SMARCC1: variants seen among roughly 807,000 people sequenced by gnomAD.
SMARCC1 encodes the protein SWI/SNF related BAF chromatin remodeling complex subunit C1.
Under a neutral mutation model 147.4 loss-of-function variants are expected in SMARCC1, and 43 were observed. The observed-to-expected ratio is 0.29, with a 90% CI of 0.23 to 0.38. SMARCC1 has a LOEUF of 0.38. SMARCC1 is among the 10% of genes least tolerant of loss of function. SMARCC1 has a pLI of 1.00. For missense variants in SMARCC1, 1,119 were observed against 1,381.1 expected (o/e 0.81, Z 3.01); for synonymous variants, 495 against 484.4 (o/e 1.02, Z -0.29).
intron 2 of SMARCC1, among the ~76,000 whole-genome samples, chr3:47,753,429 G>C (rs1258905522): frequency 6.6e-6 from 1 of 150,976 alleles, no homozygotes; most frequent in African/African-American, 2.4e-5. Context: ...AAAAGACAAA[G>C]TAGGCCGGGT....
At position 47,680,525 on chromosome 3, in the gene SMARCC1, A is replaced by C; in HGVS notation, c.1386-17T>G. The C allele has an allele frequency of 6.5e-7, 1 of 1,536,012 alleles. No individual in the cohort carries two copies. Among genetic ancestry groups the C allele is most frequent in the Non-Finnish European group, 8.8e-7 (1 of 1,132,898 alleles). ...ACATGAATACTGAAAAGAAGAAGAA[A>C]AAAAGATTTAGGAGTGTTCTTTTTT... On this transcript the variant is annotated splice_polypyrimidine_tract_variant and intron_variant, in intron 14 of 27. Coordinates refer to ENST00000254480, the MANE Select transcript of SMARCC1 (RefSeq NM_003074.4).
chr3:47,594,102 T>A (rs1230776464), intron 26 of SMARCC1, among the ~76,000 whole-genome samples: 1 of 151,056 alleles, frequency 6.6e-6, no homozygotes, highest in Non-Finnish European at 1.5e-5. Context: ...GAGGTGGAGG[T>A]TGCAGTGAGC....
intron 21 of SMARCC1, among the ~76,000 whole-genome samples, chr3:47,642,706 G>GT (rs1331320822): frequency 6.6e-6 from 1 of 152,142 alleles, no homozygotes; most frequent in Admixed American, 6.5e-5. Flanking sequence ...GGATCAAGTG[G>GT]TGCTGCCTGG....
chr3:47,665,565 C>T (rs2106741708), intron 19 of SMARCC1, among the ~76,000 whole-genome samples: 1 of 152,190 alleles, frequency 6.6e-6, no homozygotes, highest in African/African-American at 2.4e-5. Context: ...GTTGGGGAAA[C>T]TTCTGAGATA....
intron 21 of SMARCC1, among the ~76,000 whole-genome samples, chr3:47,660,830 T>C (rs974871930): frequency 1.3e-5 from 2 of 152,146 alleles, no homozygotes; most frequent in Non-Finnish European, 2.9e-5. Flanking sequence ...GCATTGTAAA[T>C]ATAGCAGAAG....
Position 47,701,336 on chromosome 3 carries a change from C to T in SMARCC1, c.1107G>A (p.Lys369=), listed in dbSNP as rs756617422. The T allele has an allele frequency of 2.9e-5, 46 of 1,613,128 alleles. No homozygotes were observed. The highest frequency in any genetic ancestry group is 4.0e-5 in the African/African-American group (3 of 74,894). ...GTACAGGTGTTGGGTCTTCCATATCCTTGGTTAGATCTTCTTGCTCATCTT... is the reference window on the plus strand; with the variant it reads ...GTACAGGTGTTGGGTCTTCCATATCTTTGGTTAGATCTTCTTGCTCATCTT... ...KEEDEQEDLT[K]DMEDPTPVPN... The change falls in exon 11 of 28, where the codon AAG becomes AAA. Residue 369 remains lysine, a synonymous_variant. Transcript: ENST00000254480.
chr3:47,732,481 G>T lies in SMARCC1; in HGVS notation c.577-3387C>A, dbSNP rs892890726. On this transcript the variant is annotated intron_variant, in intron 5 of 27. Coordinates refer to ENST00000254480, the MANE Select transcript of SMARCC1 (RefSeq NM_003074.4). ...TTTGACTTAAGAAGCCAAGTTCTCAGCTTATCTTGGCTTTTGTCATGCCTT... is the reference window on the plus strand; with the variant it reads ...TTTGACTTAAGAAGCCAAGTTCTCATCTTATCTTGGCTTTTGTCATGCCTT... 3.9e-5 allele frequency among the ~76,000 whole-genome samples: 6 copies of T among 152,138 alleles called. No homozygotes were observed. In the South Asian group the frequency reaches 1.2e-3, roughly 31 times the overall value.
Position 47,710,785 on chromosome 3 carries a change from G to A in SMARCC1, c.816C>T (p.Asp272=). 2 of 1,610,900 alleles carry A rather than the reference G, an allele frequency of 1.2e-6. No individual in the cohort carries two copies. The highest frequency in any genetic ancestry group is 1.7e-6 in the Non-Finnish European group (2 of 1,178,464). ...PWKVHVKWIL[D]TDIFNEWMNE... is the part of the protein sequence containing the mutation. Reference sequence around the variant, plus strand: ...TCATCCATTCATTGAAAATATCAGTGTCCAAAATCCATTTCACATGAACCT... The same window carrying A: ...TCATCCATTCATTGAAAATATCAGTATCCAAAATCCATTTCACATGAACCT... Residue 272 remains aspartate (D), a synonymous_variant, in exon 9 of 28, where the codon GAC becomes GAT. Transcript: ENST00000254480.
intron 21 of SMARCC1, among the ~76,000 whole-genome samples, chr3:47,649,520 C>T (rs1346776652): frequency 6.6e-6 from 1 of 152,174 alleles, no homozygotes; most frequent in Non-Finnish European, 1.5e-5. Flanking sequence ...TCAAGATGTA[C>T]TCATGGGAAA....
chr3:47,623,925 G>C (rs2032771186), intron 24 of SMARCC1, among the ~76,000 whole-genome samples: 1 of 151,480 alleles, frequency 6.6e-6, no homozygotes, highest in East Asian at 1.9e-4. Flanking sequence ...TTGGTGGGGG[G>C]AGCGGTAGGT....
At chr3:47,675,413 G>T in intron 18 of SMARCC1, 62 bp downstream of exon 18, 1 of 761,318 alleles carries the variant, frequency 1.3e-6, no homozygotes, top group Non-Finnish European at 2.3e-6. Flanking sequence ...AAGCTCATTA[G>T]ATGTATCTTA....
At chr3:47,726,976 G>A (rs1263002339) in intron 6 of SMARCC1, among the ~76,000 whole-genome samples, 2 of 152,014 alleles carry the variant, frequency 1.3e-5, no homozygotes, top group Admixed American at 6.6e-5. Context: ...TTGGGAGGCT[G>A]AGGCGTTTGG....
At chr3:47,723,456 G>A (rs1242828660) in intron 6 of SMARCC1, among the ~76,000 whole-genome samples, 7 of 145,822 alleles carry the variant, frequency 4.8e-5, no homozygotes, top group South Asian at 2.2e-4. Context: ...CCAGGGTGAC[G>A]GAATGAAATT....
At position 47,610,200 on chromosome 3, in the gene SMARCC1, G is replaced by T; in HGVS notation, c.2909C>A (p.Ala970Glu). The change falls in exon 26 of 28, where the codon GCA (alanine) becomes GAA (glutamate). Residue 970 changes from alanine (A) to glutamate (E), a missense_variant. Ala to Glu is a moderately radical substitution (Grantham distance 107, BLOSUM62 -1). Around this residue, in one of 6 missense-constraint regions of SMARCC1, gnomAD observed 186 missense variants for 216.5 expected, o/e 0.86. Transcript: ENST00000254480. ...QQQHGQNPQQ[A>E]HQHSGGPGLA... is the part of the protein sequence containing the mutation. The stretch of plus-strand genomic sequence containing the variant: ...GCCAGGTCCTCCTGAGTGCTGGTGT[G>T]CCTGTTGAGGGTTCTGGCCATGCTG... 6 of 1,614,226 alleles carry T rather than the reference G, an allele frequency of 3.7e-6. No homozygotes were observed. Among genetic ancestry groups the T allele is most frequent in the Non-Finnish European group, 5.1e-6 (6 of 1,180,044 alleles).
At chr3:47,625,938 G>A (rs957973140) in intron 24 of SMARCC1, among the ~76,000 whole-genome samples, 6 of 151,690 alleles carry the variant, frequency 4.0e-5, no homozygotes, top group East Asian at 1.9e-4. Flanking sequence ...CAGAAGAATC[G>A]CCTGAGGCCA....
At chr3:47,680,373 G>A (rs1444313508) in intron 15 of SMARCC1, 64 bp downstream of exon 15, 7 of 1,065,058 alleles carry the variant, frequency 6.6e-6, no homozygotes, top group Middle Eastern at 2.0e-4. Flanking sequence ...AACTCAGGTG[G>A]ATGCTTGAAG....
chr3:47,617,214 T>G (rs567771403), intron 25 of SMARCC1, among the ~76,000 whole-genome samples: 7 of 152,370 alleles, frequency 4.6e-5, no homozygotes, highest in African/African-American at 1.7e-4. Context: ...CCATGTGATC[T>G]GAGGTACACA....
intron 25 of SMARCC1, among the ~76,000 whole-genome samples, chr3:47,611,421 T>C (rs996545525): frequency 1.3e-5 from 2 of 152,170 alleles, no homozygotes; most frequent in African/African-American, 4.8e-5. Context: ...ATATGAAAAA[T>C]TGTTCATATA....
At chr3:47,686,237 T>G in intron 13 of SMARCC1, 67 bp from the exon 14 acceptor site, 1 of 1,226,504 alleles carries the variant, frequency 8.2e-7, no homozygotes, top group Non-Finnish European at 1.2e-6. Context: ...TAACATCTCT[T>G]ACACTTCAGT....
Sources: allele counts gnomAD v4.1 joint callset (sites outside exome capture counted in the v4.1 genomes callset), GRCh38; gene constraint gnomAD v4.1.1; regional missense constraint gnomAD v4.1.1; transcripts MANE v1.5; gene names NCBI Gene and HGNC (gene_info 2026-07-23, HGNC 2026-07-21).